Variants in ZFP91 observed in about 807,000 individuals in gnomAD.
ZFP91 encodes E3 ubiquitin-protein ligase ZFP91.
A neutral mutation model predicts 63.5 loss-of-function variants in ZFP91; 7 were observed. That is an observed-to-expected ratio of 0.11 (90% CI 0.06 to 0.21). The LOEUF (loss-of-function observed/expected upper bound fraction) is 0.21. Among genes scored for constraint, ZFP91 ranks in the 10% least tolerant of loss-of-function variants. ZFP91 has a pLI of 1.00. For synonymous variants in ZFP91, 330 were observed against 272.1 expected (o/e 1.21, Z -2.10); for missense variants, 628 against 736.6 (o/e 0.85, Z 1.71).
chr11:58,607,277 A>G (rs1038692457), intron 2 of ZFP91, among the ~76,000 whole-genome samples: 1 of 152,170 alleles, frequency 6.6e-6, no homozygotes, highest in African/African-American at 2.4e-5. Context: ...AAAAGTAGTC[A>G]TGACCTATAT....
chr11:58,590,205 T>C (rs1855281063), intron 2 of ZFP91, among the ~76,000 whole-genome samples: 1 of 152,196 alleles, frequency 6.6e-6, no homozygotes. Context: ...TGAGCCTTAG[T>C]GGATAAGAAT....
At chr11:58,606,706 A>G (rs1268751355) in intron 2 of ZFP91, among the ~76,000 whole-genome samples, 6 of 146,914 alleles carry the variant, frequency 4.1e-5, no homozygotes, top group Admixed American at 1.3e-4. Context: ...TTTAGCTCCT[A>G]CTTTGGTCTC....
rs758306267 is a variant in ZFP91, at chr11:58,584,901, C to T, written c.370+17C>T. On this transcript the variant is annotated intron_variant, in intron 2 of 10. Coordinates refer to ENST00000316059, the MANE Select transcript of ZFP91 (RefSeq NM_053023.5). Reference sequence around the variant, plus strand: ...CTGATAAAGGTAAGACTTGGTCATCCTTACCTCTAGCGTACATTACACTGA... The same window carrying T: ...CTGATAAAGGTAAGACTTGGTCATCTTTACCTCTAGCGTACATTACACTGA... 16 of 1,510,700 alleles carry T rather than the reference C, an allele frequency of 1.1e-5. No individual in the cohort carries two copies. Among genetic ancestry groups the T allele is most frequent in the Non-Finnish European group, 1.4e-5 (16 of 1,137,646 alleles). The allele number at this position is 1,510,700 out of a possible 1,614,324, so 93.6% of individuals were successfully genotyped here.
At chr11:58,594,988 G>A (rs1855372236) in intron 2 of ZFP91, among the ~76,000 whole-genome samples, 1 of 152,132 alleles carries the variant, frequency 6.6e-6, no homozygotes, top group Non-Finnish European at 1.5e-5. Flanking sequence ...ATCCAAGGCT[G>A]GGTGGAAATG....
chr11:58,579,856 C>T (rs1855073250), intron 1 of ZFP91, among the ~76,000 whole-genome samples: 1 of 152,118 alleles, frequency 6.6e-6, no homozygotes, highest in African/African-American at 2.4e-5. Context: ...CCGAAATCAT[C>T]TTTTGATACA....
chr11:58,606,701 C>T (rs1475398743), intron 2 of ZFP91, among the ~76,000 whole-genome samples: 1 of 151,966 alleles, frequency 6.6e-6, no homozygotes, highest in African/African-American at 2.4e-5. Context: ...TAATGTTTAG[C>T]TCCTACTTTG....
Position 58,579,240 on chromosome 11 carries a change from T to TCCGCCG in ZFP91, c.-39_-34dup. 1 of 1,345,108 alleles carries TCCGCCG rather than the reference T, an allele frequency of 7.4e-7. No individual in the cohort carries two copies. Among genetic ancestry groups the TCCGCCG allele is most frequent in the Non-Finnish European group, 9.5e-7 (1 of 1,057,174 alleles). The allele number at this position is 1,345,108 out of a possible 1,614,324, so 83.3% of individuals were successfully genotyped here. On this transcript the variant is annotated 5_prime_UTR_variant, in exon 1 of 11. Transcript: ENST00000316059. Reference sequence around the variant, plus strand: ...CAGCGCCGAGGCCGCCGCCTCCGCCTCCGCCGCCTAGGACTAGGGGGTGGG... The same window carrying TCCGCCG: ...CAGCGCCGAGGCCGCCGCCTCCGCCTCCGCCGCCGCCGCCTAGGACTAGGGGGTGGG...
chr11:58,617,650 A>T lies in ZFP91; in HGVS notation c.1657A>T (p.Ile553Leu), dbSNP rs752621684. Reference sequence around the variant, plus strand: ...TGAAGGGCTGGTTATGAACTCAGATATACTCGGTGCTACCACAGAGGTTCT... The same window carrying T: ...TGAAGGGCTGGTTATGAACTCAGATTTACTCGGTGCTACCACAGAGGTTCT... ...GTEGLVMNSD[I>L]LGATTEVLIE... Residue 553 changes from isoleucine to leucine, a missense_variant, in exon 11 of 11, where the codon ATA becomes TTA. Ile to Leu is a conservative substitution (Grantham distance 5). This residue lies in a region of ZFP91 where 115 missense variants were observed against 125.4 expected (regional missense o/e 0.92). Coordinates refer to ENST00000316059, the MANE Select transcript of ZFP91 (RefSeq NM_053023.5). This position sits in a 1 kb window ranked among gnomAD's most constrained non-coding sequence, Gnocchi z 4.2. 2 of 1,559,334 alleles carry T rather than the reference A, an allele frequency of 1.3e-6. No homozygotes were observed. The highest frequency in any genetic ancestry group is 4.5e-5 in the East Asian group (2 of 44,554).
At chr11:58,614,385 G>C in intron 9 of ZFP91, 42 bp downstream of exon 9, 1 of 1,409,768 alleles carries the variant, frequency 7.1e-7, no homozygotes, top group South Asian at 1.3e-5. Context: ...ATTGCACTGT[G>C]CTTTAGTTTT....
intron 2 of ZFP91, among the ~76,000 whole-genome samples, chr11:58,595,824 A>G (rs143983425): frequency 4.6e-5 from 7 of 152,122 alleles, no homozygotes; most frequent in African/African-American, 1.4e-4. Flanking sequence ...TGACCTACCC[A>G]TCTCCACCTC....
intron 2 of ZFP91, among the ~76,000 whole-genome samples, chr11:58,597,123 G>A (rs529490123): frequency 1.3e-5 from 2 of 152,162 alleles, no homozygotes; most frequent in African/African-American, 2.4e-5. Context: ...CAGGGGCAAA[G>A]CATCAATGGA....
intron 2 of ZFP91, among the ~76,000 whole-genome samples, chr11:58,599,081 A>G (rs888138846): frequency 6.6e-6 from 1 of 152,006 alleles, no homozygotes; most frequent in African/African-American, 2.4e-5. Context: ...TTTTGTTTCT[A>G]GCATCTATCA....
At chr11:58,582,895 G>A (rs1855143462) in intron 1 of ZFP91, among the ~76,000 whole-genome samples, 1 of 152,138 alleles carries the variant, frequency 6.6e-6, no homozygotes. Context: ...GAAGCACAGA[G>A]TTAAATGCTA....
chr11:58,596,539 A>G (rs1360268153), intron 2 of ZFP91, among the ~76,000 whole-genome samples: 1 of 152,210 alleles, frequency 6.6e-6, no homozygotes, highest in Non-Finnish European at 1.5e-5. Flanking sequence ...GTTTTCTGGC[A>G]TTGCTGCTTA....
At chr11:58,592,050 G>A (rs1855315878) in intron 2 of ZFP91, among the ~76,000 whole-genome samples, 1 of 151,132 alleles carries the variant, frequency 6.6e-6, no homozygotes, top group South Asian at 2.1e-4. Flanking sequence ...TGTGATGCTC[G>A]AGCTGGGAAT....
At chr11:58,616,839 A>G in intron 10 of ZFP91, 24 bp downstream of exon 10, 1 of 1,605,308 alleles carries the variant, frequency 6.2e-7, no homozygotes, top group Non-Finnish European at 8.5e-7. Flanking sequence ...ACTGGTGAAC[A>G]TCTGGGTGAG....
chr11:58,610,386 T>G (rs1181267140), intron 4 of ZFP91, 52 bp downstream of exon 4: 10 of 1,487,790 alleles, frequency 6.7e-6, no homozygotes, highest in Non-Finnish European at 9.0e-6. Context: ...CATAGCATAG[T>G]CACAGTAAAT....
chr11:58,611,849 A>AT, intron 6 of ZFP91, 111 bp downstream of exon 6: 1 of 1,343,316 alleles, frequency 7.4e-7, no homozygotes, highest in Non-Finnish European at 9.8e-7. Context: ...CAAAATATGT[A>AT]TTTTTTAACT....
At chr11:58,612,360 C>T in intron 7 of ZFP91, 32 bp downstream of exon 7, 1 of 1,605,960 alleles carries the variant, frequency 6.2e-7, no homozygotes, top group South Asian at 1.1e-5. Context: ...TGTTTTACAC[C>T]TTATTCCAGT....
Sources: gnomAD v4.1 joint callset for allele counts (sites outside exome capture counted in the v4.1 genomes callset) on GRCh38, gnomAD v4.1.1 for gene constraint, gnomAD v4.1.1 regional missense constraint, Gnocchi (gnomAD v3.1) non-coding constraint, MANE v1.5 for transcripts, NCBI Gene and HGNC (gene_info 2026-07-23, HGNC 2026-07-21) for gene names.